RSRC1: variants seen among roughly 807,000 people sequenced by gnomAD.
The protein encoded by RSRC1 is arginine and serine rich coiled-coil 1.
A neutral mutation model predicts 49.1 loss-of-function variants in RSRC1; 39 were observed. The observed-to-expected ratio is 0.79, with a 90% CI of 0.61 to 1.04. The LOEUF is 1.04. Among genes scored for constraint, RSRC1 ranks in the 50% least tolerant of loss-of-function variants. RSRC1 has a pLI of 0.00. For synonymous variants in RSRC1, 143 were observed against 130.8 expected (o/e 1.09, Z -0.63); for missense variants, 388 against 402.4 (o/e 0.96, Z 0.31).
intron 7 of RSRC1, among the ~76,000 whole-genome samples, chr3:158,518,658 A>C (rs1740739525): frequency 6.6e-6 from 1 of 152,096 alleles, no homozygotes; most frequent in African/African-American, 2.4e-5. Flanking sequence ...ATTCCATTAA[A>C]ACTGCTTTTG....
chr3:158,286,739 A>G (rs531955082), intron 4 of RSRC1, among the ~76,000 whole-genome samples: 3 of 152,378 alleles, frequency 2.0e-5, no homozygotes, highest in East Asian at 3.9e-4. Context: ...AAACAGAACA[A>G]CAACGGAAGG....
At position 158,491,825 on chromosome 3, in the gene RSRC1, A is replaced by G. The variant is rs368653096; in HGVS notation, c.652+30822A>G. Among the ~76,000 whole-genome samples, 7 of 152,332 alleles carry G rather than the reference A, an allele frequency of 4.6e-5. No homozygotes were observed. In the East Asian group the frequency reaches 1.2e-3, roughly 25 times the overall value. On this transcript the variant is annotated intron_variant, in intron 7 of 9. Transcript: ENST00000611884. ...CTATGGGTTGGAACATTCTGAGTGG[A>G]ATGTCATTTATCCAGAGGTTTTGCC... is the stretch of plus-strand genomic sequence containing the variant.
chr3:158,421,718 A>C (rs1354310285), intron 6 of RSRC1, among the ~76,000 whole-genome samples: 1 of 151,868 alleles, frequency 6.6e-6, no homozygotes, highest in Non-Finnish European at 1.5e-5. Context: ...TAAAAGAAGA[A>C]ATAGAAACCA....
intron 1 of RSRC1, among the ~76,000 whole-genome samples, chr3:158,113,526 G>A (rs972631373): frequency 6.6e-5 from 10 of 151,720 alleles, no homozygotes; most frequent in African/African-American, 2.2e-4. Flanking sequence ...GCTTCACCAC[G>A]CCCAGCTAAT....
At chr3:158,257,876 A>G (rs1285560814) in intron 4 of RSRC1, among the ~76,000 whole-genome samples, 1 of 152,176 alleles carries the variant, frequency 6.6e-6, no homozygotes, top group Non-Finnish European at 1.5e-5. Context: ...ATGTCAACTT[A>G]ACATCGATTG....
chr3:158,168,793 G>T (rs1718688089), intron 3 of RSRC1, among the ~76,000 whole-genome samples: 1 of 152,098 alleles, frequency 6.6e-6, no homozygotes, highest in Non-Finnish European at 1.5e-5. Flanking sequence ...ATAACAAATA[G>T]TTAACATTGC....
At chr3:158,392,207 GCTGCTT>G in intron 6 of RSRC1, among the ~76,000 whole-genome samples, 1 of 152,170 alleles carries the variant, frequency 6.6e-6, no homozygotes, top group South Asian at 2.1e-4. Flanking sequence ...GATATCAATT[GCTGCTT>G]CTCCTCACTA....
chr3:158,439,929 A>G (rs1180722944), intron 6 of RSRC1, among the ~76,000 whole-genome samples: 2 of 152,104 alleles, frequency 1.3e-5, no homozygotes, highest in Non-Finnish European at 1.5e-5. Flanking sequence ...CAAAAATTGT[A>G]GTATTTCAAG....
chr3:158,466,859 C>T (rs138147322), intron 7 of RSRC1, among the ~76,000 whole-genome samples: 8 of 152,038 alleles, frequency 5.3e-5, no homozygotes, highest in East Asian at 1.9e-4. Context: ...CCCGGGAGTT[C>T]GAGACTAGCC....
At chr3:158,496,158 T>C (rs1189971773) in intron 7 of RSRC1, among the ~76,000 whole-genome samples, 1 of 152,146 alleles carries the variant, frequency 6.6e-6, no homozygotes, top group African/African-American at 2.4e-5. Flanking sequence ...AGCGGTGCAA[T>C]TGGGGCACAA....
chr3:158,409,830 G>A (rs1274878859), intron 6 of RSRC1, among the ~76,000 whole-genome samples: 1 of 152,054 alleles, frequency 6.6e-6, no homozygotes, highest in Non-Finnish European at 1.5e-5. Flanking sequence ...ATAAAAGAGG[G>A]CATATGAAAA....
chr3:158,330,804 G>A (rs143737282), intron 5 of RSRC1, among the ~76,000 whole-genome samples: 37 of 151,390 alleles, frequency 2.4e-4, no homozygotes, highest in Non-Finnish European at 5.0e-4. Flanking sequence ...TTATAATACC[G>A]CTAATGAGGC....
chr3:158,305,757 A>C lies in RSRC1; in HGVS notation c.531+7682A>C, dbSNP rs1017412943. ...AATAATAGCATCGGTATTTAATTTT[A>C]ACATACACAGCCTGTTTATTTTAGG... On this transcript the variant is annotated intron_variant, in intron 5 of 9. Coordinates refer to ENST00000611884, the MANE Select transcript of RSRC1 (RefSeq NM_001271838.2). 3.3e-5 allele frequency among the ~76,000 whole-genome samples: 5 copies of C among 152,106 alleles called. No homozygotes were observed. The South Asian group carries it at 1.0e-3, about 31-fold the overall frequency.
intron 3 of RSRC1, among the ~76,000 whole-genome samples, chr3:158,173,831 A>G (rs998643714): frequency 2.0e-5 from 3 of 152,012 alleles, no homozygotes; most frequent in Admixed American, 1.3e-4. Flanking sequence ...AAAAATTATG[A>G]GAAGTGAAAG....
At chr3:158,178,726 G>A (rs1719407110) in intron 3 of RSRC1, among the ~76,000 whole-genome samples, 1 of 152,080 alleles carries the variant, frequency 6.6e-6, no homozygotes. Flanking sequence ...CATTAAATTT[G>A]TGAATTGAAA....
chr3:158,144,640 A>G (rs183468451), intron 3 of RSRC1, among the ~76,000 whole-genome samples: 13 of 152,214 alleles, frequency 8.5e-5, no homozygotes, highest in South Asian at 2.1e-4. Context: ...AATCCTTTGG[A>G]TATATACCCA....
chr3:158,369,283 GA>G (rs1442102122), intron 6 of RSRC1, among the ~76,000 whole-genome samples: 1 of 151,894 alleles, frequency 6.6e-6, no homozygotes, highest in Non-Finnish European at 1.5e-5. Flanking sequence ...TTGTTGCTAA[GA>G]TTATATTAGG....
chr3:158,268,864 T>C (rs140991366), intron 4 of RSRC1, among the ~76,000 whole-genome samples: 215 of 152,316 alleles, frequency 1.4e-3, no homozygotes, highest in African/African-American at 4.9e-3. Context: ...TATAAATGCA[T>C]AGAATTCTTG....
At chr3:158,330,346 TC>T (rs1729474522) in intron 5 of RSRC1, among the ~76,000 whole-genome samples, 1 of 152,350 alleles carries the variant, frequency 6.6e-6, no homozygotes, top group Admixed American at 6.5e-5. Flanking sequence ...CTGGAGCTGT[TC>T]CTATTCAGCC....
Sources: gnomAD v4.1 joint callset for allele counts (sites outside exome capture counted in the v4.1 genomes callset) on GRCh38, gnomAD v4.1.1 for gene constraint, MANE v1.5 for transcripts, NCBI Gene and HGNC (gene_info 2026-07-23, HGNC 2026-07-21) for gene names.